Variants in NDST4 observed in about 807,000 individuals in gnomAD.
The protein encoded by NDST4 is N-heparan sulfate sulfotransferase 4.
Under a neutral mutation model 100.8 loss-of-function variants are expected in NDST4, and 63 were observed. That is an observed-to-expected ratio of 0.62 (90% CI 0.51 to 0.77). The LOEUF (loss-of-function observed/expected upper bound fraction) is 0.77. Among genes scored for constraint, NDST4 ranks in the 30% least tolerant of loss-of-function variants. NDST4 has a pLI of 0.00. For missense variants in NDST4, 943 were observed against 1,018.4 expected (o/e 0.93, Z 1.01); for synonymous variants, 377 against 361.8 (o/e 1.04, Z -0.48).
At chr4:114,981,217 G>T (rs1218865311) in intron 2 of NDST4, among the ~76,000 whole-genome samples, 1 of 17,990 alleles carries the variant, frequency 5.6e-5, no homozygotes, top group Non-Finnish European at 9.0e-5. Flanking sequence ...AAGAAAGGAT[G>T]GAAGGAAGGA....
intron 6 of NDST4, among the ~76,000 whole-genome samples, chr4:114,890,476 T>C (rs777747482): frequency 1.4e-4 from 21 of 152,162 alleles, no homozygotes; most frequent in Admixed American, 2.6e-4. Flanking sequence ...TCTAAACACC[T>C]TTTTTTCTCA....
intron 1 of NDST4, among the ~76,000 whole-genome samples, chr4:115,100,921 C>A (rs1578521669): frequency 6.6e-6 from 1 of 151,412 alleles, no homozygotes; most frequent in African/African-American, 2.4e-5. Flanking sequence ...AAGTAAAAAG[C>A]GTGGATGGTT....
chr4:114,998,915 C>T (rs1264526054), intron 2 of NDST4, among the ~76,000 whole-genome samples: 1 of 152,006 alleles, frequency 6.6e-6, no homozygotes, highest in Non-Finnish European at 1.5e-5. Flanking sequence ...TTGTGATTTC[C>T]CCCTATTGTG....
intron 4 of NDST4, among the ~76,000 whole-genome samples, chr4:114,953,524 T>A (rs890982801): frequency 6.6e-6 from 1 of 152,096 alleles, no homozygotes; most frequent in African/African-American, 2.4e-5. Flanking sequence ...ATCAGCAGAT[T>A]CCAAGAACAC....
At chr4:114,856,230 T>C (rs1456247343) in intron 7 of NDST4, among the ~76,000 whole-genome samples, 2 of 152,120 alleles carry the variant, frequency 1.3e-5, no homozygotes, top group Non-Finnish European at 2.9e-5. Context: ...GCCCAGTTAA[T>C]CTTTTATTTC....
At chr4:115,014,575 G>A (rs1727633714) in intron 2 of NDST4, among the ~76,000 whole-genome samples, 1 of 152,004 alleles carries the variant, frequency 6.6e-6, no homozygotes, top group African/African-American at 2.4e-5. Context: ...TTTTAGTAGG[G>A]TTCAGAACAG....
intron 4 of NDST4, among the ~76,000 whole-genome samples, chr4:114,943,804 A>C (rs188342425): frequency 7.2e-5 from 11 of 152,272 alleles, no homozygotes; most frequent in Non-Finnish European, 1.5e-4. Flanking sequence ...TCATTTATAA[A>C]ATTAGTTTAA....
At chr4:114,999,676 C>A (rs888065379) in intron 2 of NDST4, among the ~76,000 whole-genome samples, 1 of 152,058 alleles carries the variant, frequency 6.6e-6, no homozygotes, top group Non-Finnish European at 1.5e-5. Flanking sequence ...TTCAGAGTAG[C>A]ATTCCTTCCT....
At chr4:115,043,896 A>T (rs1728405523) in intron 2 of NDST4, among the ~76,000 whole-genome samples, 1 of 152,086 alleles carries the variant, frequency 6.6e-6, no homozygotes, top group South Asian at 2.1e-4. Flanking sequence ...GGTCAAAAAG[A>T]TGTTATACGA....
At chr4:115,051,426 C>A (rs2126278993) in intron 2 of NDST4, among the ~76,000 whole-genome samples, 1 of 152,020 alleles carries the variant, frequency 6.6e-6, no homozygotes, top group African/African-American at 2.4e-5. Context: ...CCTTTCTATC[C>A]TTCCTGGCTT....
In NDST4 at chr4:115,022,406, T is replaced by TATATATATGTGTTCC. The variant is rs1560570111; in HGVS notation, c.979-45133_979-45132insGGAACACATATATAT. Among the ~76,000 whole-genome samples, 79 of 68,142 alleles carry TATATATATGTGTTCC rather than the reference T, an allele frequency of 1.2e-3. 1 individual carries two copies. The highest frequency in any genetic ancestry group is 2.1e-3 in the South Asian group (5 of 2,334). 44.7% of individuals were successfully genotyped at this position (68,142 alleles called of 152,430 possible). On this transcript the variant is annotated intron_variant, in intron 2 of 13. Coordinates refer to ENST00000264363, the MANE Select transcript of NDST4 (RefSeq NM_022569.3). The stretch of plus-strand genomic sequence containing the variant: ...ATGTGTTCCATATATATGTGTTCCA[T>TATATATATGTGTTCC]ATATATGTGTTCCATATATATGTGT...
At chr4:115,112,746 C>T (rs768342156) in intron 1 of NDST4, among the ~76,000 whole-genome samples, 1 of 151,850 alleles carries the variant, frequency 6.6e-6, no homozygotes, top group Non-Finnish European at 1.5e-5. Flanking sequence ...TGTTTTCCAA[C>T]TTATTCTGTG....
At chr4:114,955,049 C>G (rs1726108409) in intron 4 of NDST4, among the ~76,000 whole-genome samples, 1 of 152,162 alleles carries the variant, frequency 6.6e-6, no homozygotes, top group Non-Finnish European at 1.5e-5. Context: ...AATTGAACCT[C>G]TTTTCTTTAT....
intron 6 of NDST4, among the ~76,000 whole-genome samples, chr4:114,930,202 T>C (rs560424893): frequency 6.6e-6 from 1 of 152,324 alleles, no homozygotes; most frequent in East Asian, 1.9e-4. Flanking sequence ...GCACAAAAAT[T>C]GAAATATCTC....
intron 2 of NDST4, among the ~76,000 whole-genome samples, chr4:115,039,769 G>C (rs9884962): frequency 0.13 from 20,369 of 151,816 alleles, 1,747 homozygotes; most frequent in East Asian, 0.42. Context: ...AAGAAAAGAG[G>C]GGTGTGTAAA....
chr4:114,874,980 A>T (rs1578358362), intron 6 of NDST4, among the ~76,000 whole-genome samples: 1 of 152,208 alleles, frequency 6.6e-6, no homozygotes, highest in Non-Finnish European at 1.5e-5. Flanking sequence ...GTTTATATAT[A>T]CAACCCACTG....
intron 1 of NDST4, among the ~76,000 whole-genome samples, chr4:115,082,973 G>A (rs1729333001): frequency 6.6e-6 from 1 of 152,172 alleles, no homozygotes; most frequent in Non-Finnish European, 1.5e-5. Context: ...GAGCTGTGTT[G>A]TAAATTGGAA....
intron 7 of NDST4, among the ~76,000 whole-genome samples, chr4:114,861,873 A>T (rs1232839867): frequency 1.3e-5 from 2 of 152,160 alleles, no homozygotes; most frequent in Non-Finnish European, 2.9e-5. Context: ...TGATGATGAT[A>T]GTCAAAGCTT....
At chr4:115,087,575 C>T (rs1729433625) in intron 1 of NDST4, among the ~76,000 whole-genome samples, 1 of 151,602 alleles carries the variant, frequency 6.6e-6, no homozygotes, top group Non-Finnish European at 1.5e-5. Flanking sequence ...TAATGGAGTT[C>T]ATGTGAAAAG....
Sources: gnomAD v4.1 joint callset for allele counts (sites outside exome capture counted in the v4.1 genomes callset) on GRCh38, gnomAD v4.1.1 for gene constraint, MANE v1.5 for transcripts, NCBI Gene and HGNC (gene_info 2026-07-23, HGNC 2026-07-21) for gene names.